TMEM14A: variants seen among roughly 807,000 people sequenced by gnomAD.
TMEM14A encodes transmembrane protein 14A.
TMEM14A carries 8 observed loss-of-function variants against 11.6 expected under a neutral mutation model. The observed-to-expected ratio is 0.69, with a 90% confidence interval of 0.40 to 1.24. The LOEUF is 1.24. TMEM14A is among the 50% of genes most tolerant of loss of function. The probability of loss-of-function intolerance (pLI) is 0.01; values close to 1 mark genes in which losing one functional copy is unlikely to be tolerated. For synonymous variants in TMEM14A, 34 were observed against 45.5 expected, an observed-to-expected ratio of 0.75 and a Z score of 1.02; for missense variants, 108 against 121.9, an observed-to-expected ratio of 0.89 and a Z score of 0.54.
chr6:52,676,344 C>A (rs1387889975), intron 1 of TMEM14A, among the ~76,000 whole-genome samples: 1 of 152,144 alleles, frequency 6.6e-6, no homozygotes, highest in East Asian at 1.9e-4. Context: ...CCTCAACCTC[C>A]AGGGCTCAAG....
chr6:52,674,543 A>G (rs1769219628), intron 1 of TMEM14A, among the ~76,000 whole-genome samples: 1 of 152,210 alleles, frequency 6.6e-6, no homozygotes, highest in Non-Finnish European at 1.5e-5. Flanking sequence ...TGATTACATG[A>G]GTTGATACAC....
intron 3 of TMEM14A, among the ~76,000 whole-genome samples, chr6:52,683,000 T>G (rs528298948): frequency 1.3e-4 from 20 of 152,178 alleles, no homozygotes; most frequent in Non-Finnish European, 2.9e-4. Context: ...AATCAGATCT[T>G]ACTTGTAAAA....
intron 3 of TMEM14A, among the ~76,000 whole-genome samples, chr6:52,683,370 G>A: frequency 6.6e-6 from 1 of 151,286 alleles, no homozygotes. Context: ...TGAGGCAGGA[G>A]AATTGCTTGA....
chr6:52,678,772 A>C (rs1199901120), intron 2 of TMEM14A, among the ~76,000 whole-genome samples: 1 of 152,228 alleles, frequency 6.6e-6, no homozygotes, highest in African/African-American at 2.4e-5. Context: ...GGTGCCTGGC[A>C]TAGAATAAAG....
chr6:52,674,341 T>G (rs1184236554), intron 1 of TMEM14A, among the ~76,000 whole-genome samples: 3 of 152,200 alleles, frequency 2.0e-5, no homozygotes, highest in Non-Finnish European at 4.4e-5. Flanking sequence ...GGTTTACATG[T>G]TCGCTTTTTT....
At position 52,677,171 on chromosome 6, in the gene TMEM14A, A is replaced by AG; in HGVS notation, c.70+1dup. 3 of 1,614,026 alleles carry AG rather than the reference A, an allele frequency of 1.9e-6. No homozygotes were observed. The highest frequency in any genetic ancestry group is 2.5e-6 in the Non-Finnish European group (3 of 1,180,010). On this transcript the variant is annotated frameshift_variant and splice_region_variant, in exon 2 of 5. Coordinates refer to ENST00000211314, the MANE Select transcript of TMEM14A (RefSeq NM_014051.4). LOFTEE classifies it high-confidence loss of function. ...GAAGCATTTTTGGATATAAGCGGAGAGGTAAGCCTAACCCAAATTTTCATG... is the reference window on the plus strand; with the variant it reads ...GAAGCATTTTTGGATATAAGCGGAGAGGGTAAGCCTAACCCAAATTTTCATG...
At chr6:52,680,858 GGTGT>G (rs70977374) in intron 2 of TMEM14A, among the ~76,000 whole-genome samples, 5 of 145,460 alleles carry the variant, frequency 3.4e-5, no homozygotes, top group African/African-American at 1.0e-4. Context: ...ATGCTGCTCT[GGTGT>G]GTGTGTGTGT....
At chr6:52,673,140 C>T (rs542703674) in intron 1 of TMEM14A, among the ~76,000 whole-genome samples, 2 of 152,268 alleles carry the variant, frequency 1.3e-5, no homozygotes, top group East Asian at 3.9e-4. Context: ...TTCATGCTCC[C>T]CTGTAGGGTA....
Position 52,680,689 on chromosome 6 carries a change from A to G in TMEM14A, c.71-1124A>G, listed in dbSNP as rs58618342. 4.3e-3 allele frequency among the ~76,000 whole-genome samples: 247 copies of G among 56,862 alleles called. 4 individuals carry two copies. Among genetic ancestry groups the G allele is most frequent in the Non-Finnish European group, 5.8e-3 (151 of 26,198 alleles). The allele number at this position is 56,862 out of a possible 152,430, so 37.3% of individuals were successfully genotyped here. A position where few individuals can be genotyped will look rare whatever the true frequency, so the allele number is the denominator to read the frequency against. On this transcript the variant is annotated intron_variant, in intron 2 of 4. Coordinates refer to ENST00000211314, the MANE Select transcript of TMEM14A (RefSeq NM_014051.4). ...TATGTGTATATATATATATACATATATGTATATATATATATACACATATAT... is the reference window on the plus strand; with the variant it reads ...TATGTGTATATATATATATACATATGTGTATATATATATATACACATATAT...
intron 4 of TMEM14A, among the ~76,000 whole-genome samples, chr6:52,684,465 A>C (rs918184696): frequency 6.6e-6 from 1 of 152,218 alleles, no homozygotes; most frequent in Non-Finnish European, 1.5e-5. Context: ...ACCCATCTGC[A>C]ACACTAAATG....
intron 2 of TMEM14A, among the ~76,000 whole-genome samples, chr6:52,680,009 A>G (rs1421701694): frequency 1.3e-5 from 2 of 151,872 alleles, no homozygotes; most frequent in African/African-American, 4.8e-5. Flanking sequence ...AATCTCCTTA[A>G]TATCCTTATC....
Position 52,681,870 on chromosome 6 carries a change from C to T in TMEM14A, c.128C>T (p.Ala43Val). The T allele has an allele frequency of 6.8e-6, 11 of 1,614,044 alleles. No homozygotes were observed. Among genetic ancestry groups the T allele is most frequent in the Non-Finnish European group, 9.3e-6 (11 of 1,180,000 alleles). The change falls in exon 3 of 5, where the codon GCT becomes GTT. Residue 43 changes from alanine to valine, a missense_variant. Coordinates refer to ENST00000211314, the MANE Select transcript of TMEM14A (RefSeq NM_014051.4). Reference protein sequence around the residue: ...LFVGCLAGYGAYRVSNDKRDV... With the variant: ...LFVGCLAGYGVYRVSNDKRDV... ...GTTGGATGTTTGGCCGGCTATGGAG[C>T]TTACCGTGTCTCCAATGACAAACGA...
chr6:52,683,946 C>T, intron 3 of TMEM14A, 132 bp from the exon 4 acceptor site: 1 of 847,212 alleles, frequency 1.2e-6, no homozygotes, highest in East Asian at 2.7e-5. Context: ...TTTATCTTTT[C>T]AAGACAATGG....
At chr6:52,684,380 C>G (rs1769453798) in intron 4 of TMEM14A, among the ~76,000 whole-genome samples, 1 of 152,182 alleles carries the variant, frequency 6.6e-6, no homozygotes, top group South Asian at 2.1e-4. Flanking sequence ...GCTGTAGTAT[C>G]TGGTCACATA....
At chr6:52,672,632 C>G (rs901469683) in intron 1 of TMEM14A, among the ~76,000 whole-genome samples, 4 of 152,138 alleles carry the variant, frequency 2.6e-5, no homozygotes, top group African/African-American at 9.7e-5. Flanking sequence ...TCCTAATGGT[C>G]TAAGCCAGAT....
intron 2 of TMEM14A, among the ~76,000 whole-genome samples, chr6:52,680,682 T>TATATACACAC (rs1561875101): frequency 2.0e-5 from 1 of 50,782 alleles, no homozygotes; most frequent in African/African-American, 6.5e-5. Context: ...TATATATATA[T>TATATACACAC]ACATATATGT....
At chr6:52,684,675 T>C (rs1323058953) in intron 4 of TMEM14A, among the ~76,000 whole-genome samples, 2 of 152,234 alleles carry the variant, frequency 1.3e-5, no homozygotes, top group Non-Finnish European at 2.9e-5. Flanking sequence ...TCCATGAGAT[T>C]AAGCATATTA....
At chr6:52,684,274 A>T (rs139392808) in intron 4 of TMEM14A, 109 bp downstream of exon 4, 2 of 987,604 alleles carry the variant, frequency 2.0e-6, no homozygotes, top group Admixed American at 5.2e-5. Context: ...TTTTGTTATA[A>T]TAAGCATGAC....
chr6:52,682,913 C>T (rs1769418265), intron 3 of TMEM14A, among the ~76,000 whole-genome samples: 1 of 152,086 alleles, frequency 6.6e-6, no homozygotes, highest in Non-Finnish European at 1.5e-5. Flanking sequence ...TATTTAGTCT[C>T]CAGGCATCAA....
Sources: allele counts gnomAD v4.1 joint callset (sites outside exome capture counted in the v4.1 genomes callset), GRCh38; gene constraint gnomAD v4.1.1; transcripts MANE v1.5; gene names NCBI Gene and HGNC (gene_info 2026-07-23, HGNC 2026-07-21).